Variants in CNTNAP4 observed in about 807,000 individuals in gnomAD.
CNTNAP4 encodes contactin associated protein family member 4.
In CNTNAP4, 98 loss-of-function variants were observed where a neutral mutation model predicts 148.4. The observed-to-expected ratio is 0.66, with a 90% CI of 0.56 to 0.78. The LOEUF (loss-of-function observed/expected upper bound fraction) is 0.78, where lower values mean the gene tolerates loss of function less well. CNTNAP4 is among the 30% of genes least tolerant of loss of function. The probability of loss-of-function intolerance (pLI) is 0.00; values close to 1 mark genes in which losing one functional copy is unlikely to be tolerated. For missense variants in CNTNAP4, 1,935 were observed against 1,565.6 expected (o/e 1.24, Z -3.98); for synonymous variants, 730 against 565.1 (o/e 1.29, Z -4.14).
At chr16:76,308,608 G>T (rs977392381) in intron 1 of CNTNAP4, among the ~76,000 whole-genome samples, 1 of 152,194 alleles carries the variant, frequency 6.6e-6, no homozygotes, top group African/African-American at 2.4e-5. Context: ...AGGACATTAT[G>T]AAAGGAACAA....
At chr16:76,495,942 T>C (rs1171026871) in intron 14 of CNTNAP4, among the ~76,000 whole-genome samples, 2 of 152,086 alleles carry the variant, frequency 1.3e-5, no homozygotes, top group Non-Finnish European at 2.9e-5. Flanking sequence ...AAACATCAAC[T>C]AAATCCCATC....
intron 2 of CNTNAP4, among the ~76,000 whole-genome samples, chr16:76,318,316 A>C (rs1431884047): frequency 6.6e-6 from 1 of 152,226 alleles, no homozygotes; most frequent in African/African-American, 2.4e-5. Flanking sequence ...GTTGAGGTTC[A>C]ATACATCACA....
intron 3 of CNTNAP4, among the ~76,000 whole-genome samples, chr16:76,396,606 T>C (rs1004016232): frequency 6.6e-6 from 1 of 152,202 alleles, no homozygotes; most frequent in Non-Finnish European, 1.5e-5. Context: ...TGACCTTGTG[T>C]GGTGCTGGTG....
chr16:76,409,431 C>T (rs182157801), intron 3 of CNTNAP4, among the ~76,000 whole-genome samples: 120 of 151,870 alleles, frequency 7.9e-4, no homozygotes, highest in African/African-American at 2.4e-3. Flanking sequence ...TATGTATGCA[C>T]CTTTAAAATA....
rs1005310115 is a variant in CNTNAP4, at chr16:76,387,594, C to A, written c.390+32083C>A. ...GCTTTGTGATAAAATATGGTAAGATCAATATTACAGTACTCCAAAAAAGCA... is the reference window on the plus strand; with the variant it reads ...GCTTTGTGATAAAATATGGTAAGATAAATATTACAGTACTCCAAAAAAGCA... On this transcript the variant is annotated intron_variant, in intron 3 of 23. Coordinates refer to ENST00000611870, the MANE Select transcript of CNTNAP4 (RefSeq NM_033401.5). Among the ~76,000 whole-genome samples, 11 of 151,996 alleles carry A rather than the reference C, an allele frequency of 7.2e-5. No individual in the cohort carries two copies. The East Asian group carries it at 2.1e-3, about 29-fold the overall frequency.
intron 3 of CNTNAP4, among the ~76,000 whole-genome samples, chr16:76,369,365 G>A: frequency 6.6e-6 from 1 of 152,164 alleles, no homozygotes; most frequent in African/African-American, 2.4e-5. Flanking sequence ...CCAGAGAAAT[G>A]GAACCAAGTA....
At chr16:76,379,667 C>A (rs1181255634) in intron 3 of CNTNAP4, among the ~76,000 whole-genome samples, 1 of 152,158 alleles carries the variant, frequency 6.6e-6, no homozygotes, top group East Asian at 1.9e-4. Flanking sequence ...GGTGATTAAC[C>A]AAGCTGTGAC....
At chr16:76,300,156 A>G (rs1959800869) in intron 1 of CNTNAP4, among the ~76,000 whole-genome samples, 1 of 152,146 alleles carries the variant, frequency 6.6e-6, no homozygotes, top group African/African-American at 2.4e-5. Context: ...AATAATAAAA[A>G]AAGAAGTTAA....
chr16:76,545,703 G>A (rs1380960247), intron 21 of CNTNAP4, among the ~76,000 whole-genome samples: 2 of 152,108 alleles, frequency 1.3e-5, no homozygotes, highest in Non-Finnish European at 1.5e-5. Context: ...AAAATAAAAA[G>A]GAGAAAGGGA....
intron 4 of CNTNAP4, among the ~76,000 whole-genome samples, chr16:76,444,177 C>T (rs778806132): frequency 5.9e-5 from 9 of 152,080 alleles, no homozygotes; most frequent in Non-Finnish European, 1.3e-4. Flanking sequence ...TAATATTCAA[C>T]AGGACAATAA....
At chr16:76,525,170 G>T (rs2083664192) in intron 17 of CNTNAP4, among the ~76,000 whole-genome samples, 1 of 151,602 alleles carries the variant, frequency 6.6e-6, no homozygotes, top group African/African-American at 2.4e-5. Context: ...ACACAAATCA[G>T]AATTTAAGAA....
chr16:76,515,817 C>G (rs2083224637), intron 15 of CNTNAP4, among the ~76,000 whole-genome samples: 1 of 152,042 alleles, frequency 6.6e-6, no homozygotes, highest in African/African-American at 2.4e-5. Context: ...AAAAATAGTG[C>G]CAACACAAAA....
intron 15 of CNTNAP4, among the ~76,000 whole-genome samples, chr16:76,517,817 C>T (rs1325884055): frequency 6.6e-6 from 1 of 152,142 alleles, no homozygotes; most frequent in Non-Finnish European, 1.5e-5. Flanking sequence ...AGCCGCTGCT[C>T]TCCCTCGATC....
intron 15 of CNTNAP4, among the ~76,000 whole-genome samples, chr16:76,519,203 C>T (rs893872333): frequency 7.2e-5 from 11 of 152,004 alleles, no homozygotes; most frequent in African/African-American, 1.4e-4. Context: ...CTTTTGTGAA[C>T]GTATAAAATA....
At chr16:76,450,663 C>A (rs1045475196) in intron 7 of CNTNAP4, among the ~76,000 whole-genome samples, 1 of 152,156 alleles carries the variant, frequency 6.6e-6, no homozygotes, top group Non-Finnish European at 1.5e-5. Context: ...ATCTTACTAC[C>A]GCAAGCAAAT....
intron 2 of CNTNAP4, among the ~76,000 whole-genome samples, chr16:76,334,800 C>G (rs552585520): frequency 8.6e-5 from 13 of 152,024 alleles, no homozygotes; most frequent in Non-Finnish European, 1.9e-4. Flanking sequence ...TTAGTGACTC[C>G]TGCTTTATTC....
At chr16:76,481,691 G>A (rs1009280275) in intron 12 of CNTNAP4, among the ~76,000 whole-genome samples, 2 of 152,160 alleles carry the variant, frequency 1.3e-5, no homozygotes, top group African/African-American at 2.4e-5. Context: ...CAAAGGAAAA[G>A]GGCAAAATTA....
rs76854592 is a variant in CNTNAP4 at position 76,342,846 on chromosome 16, A to G, written c.197-12472A>G. On this transcript the variant is annotated intron_variant, in intron 2 of 23. Coordinates refer to ENST00000611870, the MANE Select transcript of CNTNAP4 (RefSeq NM_033401.5). ...GGTTACAAATTTTCAGAAAACAGATATAATAAAAGCAATAACAACTGCAAC... is the reference window on the plus strand; with the variant it reads ...GGTTACAAATTTTCAGAAAACAGATGTAATAAAAGCAATAACAACTGCAAC... Among the ~76,000 whole-genome samples, 366 of 152,354 alleles carry G rather than the reference A, an allele frequency of 2.4e-3. 11 individuals carry two copies. In the East Asian group the frequency reaches 0.057, roughly 24 times the overall value.
chr16:76,515,943 ACTTT>A (rs1336771351), intron 15 of CNTNAP4, among the ~76,000 whole-genome samples: 1 of 142,060 alleles, frequency 7.0e-6, no homozygotes, highest in African/African-American at 2.9e-5. Flanking sequence ...TTTCTATTTT[ACTTT>A]AAGTTCTGGG....
Sources: allele counts gnomAD v4.1 joint callset (sites outside exome capture counted in the v4.1 genomes callset), GRCh38; gene constraint gnomAD v4.1.1; transcripts MANE v1.5; gene names NCBI Gene and HGNC (gene_info 2026-07-23, HGNC 2026-07-21).